The following PRKN variants were observed in gnomAD, a reference collection of about 807,000 sequenced individuals.
The protein encoded by PRKN is parkin RBR E3 ubiquitin protein ligase.
PRKN carries 56 observed loss-of-function variants against 59.5 expected under a neutral mutation model. The ratio of observed to expected loss-of-function variants is 0.94; its 90% CI spans 0.76 to 1.18. The LOEUF (loss-of-function observed/expected upper bound fraction) is 1.18, where lower values mean the gene tolerates loss of function less well. Ranked by LOEUF, PRKN falls within the 50% of genes most tolerant of loss-of-function variation. PRKN has a pLI of 0.00. For synonymous variants in PRKN, 250 were observed against 222.1 expected (o/e 1.13, Z -1.12); for missense variants, 657 against 596.4 (o/e 1.10, Z -1.06).
At chr6:161,406,117 C>T (rs1365170674) in intron 9 of PRKN, among the ~76,000 whole-genome samples, 2 of 151,534 alleles carry the variant, frequency 1.3e-5, no homozygotes, top group Non-Finnish European at 2.9e-5. Flanking sequence ...TATATATATA[C>T]ACATATATAC....
chr6:162,679,488 A>G (rs1779688811), intron 1 of PRKN, among the ~76,000 whole-genome samples: 1 of 152,172 alleles, frequency 6.6e-6, no homozygotes, highest in African/African-American at 2.4e-5. Context: ...TCTTGGTATT[A>G]TATCTAAGAA....
intron 6 of PRKN, among the ~76,000 whole-genome samples, chr6:161,894,824 T>C (rs1777552697): frequency 6.6e-6 from 1 of 152,198 alleles, no homozygotes; most frequent in South Asian, 2.1e-4. Flanking sequence ...ATGATATGCA[T>C]GTTGGACAAA....
chr6:162,030,197 G>A (rs984307945), intron 5 of PRKN, among the ~76,000 whole-genome samples: 2 of 152,050 alleles, frequency 1.3e-5, no homozygotes, highest in African/African-American at 4.8e-5. Context: ...CAGACAGCTG[G>A]CTGAAACTTT....
intron 8 of PRKN, among the ~76,000 whole-genome samples, chr6:161,559,435 A>G (rs929393043): frequency 6.6e-6 from 1 of 152,200 alleles, no homozygotes; most frequent in South Asian, 2.1e-4. Flanking sequence ...CTGTGGCTGT[A>G]AATTATTTCA....
At chr6:162,012,007 T>C (rs983074241) in intron 5 of PRKN, among the ~76,000 whole-genome samples, 6 of 152,114 alleles carry the variant, frequency 3.9e-5, no homozygotes, top group Admixed American at 3.9e-4. Context: ...TACACTGTGC[T>C]ATGTCATATT....
At chr6:161,629,634 C>T (rs930369883) in intron 7 of PRKN, among the ~76,000 whole-genome samples, 3 of 152,132 alleles carry the variant, frequency 2.0e-5, no homozygotes, top group Admixed American at 6.5e-5. Context: ...CCCTGAACCA[C>T]GGACGCTTTT....
chr6:161,412,418 A>C, intron 9 of PRKN, among the ~76,000 whole-genome samples: 1 of 132,070 alleles, frequency 7.6e-6, no homozygotes, highest in Non-Finnish European at 1.6e-5. Context: ...TCCTCCACTC[A>C]CTCATTCCTT....
rs201807418 is a variant in PRKN at position 162,521,012 on chromosome 6, G to C, written c.8-77539C>G. ...GCCAGACTAATGCAGAAAAATCTAG[G>C]GCAAATCCATGATTAATATTTTTTT... On this transcript the variant is annotated intron_variant, in intron 1 of 11. Transcript: ENST00000366898. Among the ~76,000 whole-genome samples the C allele has an allele frequency of 3.3e-5, 5 of 152,074 alleles. No individual in the cohort carries two copies. In the East Asian group the frequency reaches 9.7e-4, roughly 29 times the overall value.
chr6:162,408,029 T>C (rs889122580), intron 2 of PRKN, among the ~76,000 whole-genome samples: 1 of 152,138 alleles, frequency 6.6e-6, no homozygotes, highest in East Asian at 1.9e-4. Flanking sequence ...AATTAGCCAC[T>C]ATGATATCTA....
At chr6:161,420,889 T>C (rs1788073159) in intron 9 of PRKN, among the ~76,000 whole-genome samples, 1 of 152,232 alleles carries the variant, frequency 6.6e-6, no homozygotes, top group East Asian at 1.9e-4. Context: ...CTGCTGGATC[T>C]TGTTTTTTCC....
intron 6 of PRKN, among the ~76,000 whole-genome samples, chr6:161,849,101 T>G (rs950359197): frequency 6.6e-6 from 1 of 152,200 alleles, no homozygotes; most frequent in Non-Finnish European, 1.5e-5. Flanking sequence ...ATGAAGACTT[T>G]ACTTGGCATA....
intron 1 of PRKN, among the ~76,000 whole-genome samples, chr6:162,498,219 T>C (rs1172574625): frequency 1.3e-5 from 2 of 152,088 alleles, no homozygotes; most frequent in African/African-American, 4.8e-5. Context: ...GTTCAGTCTA[T>C]TGTGTACAAG....
rs548801505 is a variant in PRKN at position 161,871,966 on chromosome 6, CACAGAAACCTATAAA to C, written c.735-86073_735-86059del. Among the ~76,000 whole-genome samples, 8 of 152,260 alleles carry C rather than the reference CACAGAAACCTATAAA, an allele frequency of 5.3e-5. No individual in the cohort carries two copies. In the South Asian group the frequency reaches 1.7e-3, roughly 32 times the overall value. On this transcript the variant is annotated intron_variant, in intron 6 of 11. Transcript: ENST00000366898. ...TTTAATAATCCTCTCATTTAATTTT[CACAGAAACCTATAAA>C]ATAGGTATCTGAATCATTACATATT... is the stretch of plus-strand genomic sequence containing the variant.
chr6:161,852,589 A>G (rs939417222), intron 6 of PRKN, among the ~76,000 whole-genome samples: 5 of 152,210 alleles, frequency 3.3e-5, no homozygotes, highest in African/African-American at 1.2e-4. Context: ...GGTAAACTTG[A>G]TAAGAATTTG....
intron 1 of PRKN, among the ~76,000 whole-genome samples, chr6:162,662,501 C>G (rs761499483): frequency 6.6e-6 from 1 of 152,058 alleles, no homozygotes; most frequent in African/African-American, 2.4e-5. Context: ...TTGCCTAAAC[C>G]CATGTCCAGA....
chr6:162,088,674 G>A (rs1175199999), intron 4 of PRKN, among the ~76,000 whole-genome samples: 1 of 152,006 alleles, frequency 6.6e-6, no homozygotes, highest in Non-Finnish European at 1.5e-5. Flanking sequence ...CACTGAAGAC[G>A]ACATATCAAA....
At chr6:162,703,166 C>A (rs1003604027) in intron 1 of PRKN, among the ~76,000 whole-genome samples, 1 of 152,070 alleles carries the variant, frequency 6.6e-6, no homozygotes, top group East Asian at 1.9e-4. Flanking sequence ...CTCCACACTA[C>A]ATAAAAGTGA....
At chr6:161,671,463 C>T (rs998811563) in intron 7 of PRKN, among the ~76,000 whole-genome samples, 4 of 152,104 alleles carry the variant, frequency 2.6e-5, no homozygotes, top group South Asian at 4.1e-4. Context: ...GGCTATGAGT[C>T]GGAGTATTCA....
chr6:162,406,887 A>T (rs987789266), intron 2 of PRKN, among the ~76,000 whole-genome samples: 2 of 151,880 alleles, frequency 1.3e-5, no homozygotes, highest in African/African-American at 4.8e-5. Flanking sequence ...TATTTAGTAG[A>T]TCTGGTATGG....
Sources: allele counts gnomAD v4.1 joint callset (sites outside exome capture counted in the v4.1 genomes callset), GRCh38; gene constraint gnomAD v4.1.1; transcripts MANE v1.5; gene names NCBI Gene and HGNC (gene_info 2026-07-23, HGNC 2026-07-21).